Variants in PROM1 observed in about 807,000 individuals in gnomAD.
PROM1 encodes the protein prominin-1.
A neutral mutation model predicts 116.9 loss-of-function variants in PROM1; 105 were observed. The observed-to-expected ratio is 0.90, with a 90% confidence interval of 0.77 to 1.06. The LOEUF (loss-of-function observed/expected upper bound fraction) is 1.06, where lower values mean the gene tolerates loss of function less well. Among genes scored for constraint, PROM1 ranks in the 50% least tolerant of loss-of-function variants. The probability of loss-of-function intolerance (pLI) is 0.00; values close to 1 mark genes in which losing one functional copy is unlikely to be tolerated. For synonymous variants in PROM1, 393 were observed against 387.0 expected (o/e 1.02, Z -0.18); for missense variants, 1,122 against 1,045.2 (o/e 1.07, Z -1.01).
chr4:15,974,727 T>C (rs1291705946), intron 26 of PROM1, among the ~76,000 whole-genome samples: 1 of 152,196 alleles, frequency 6.6e-6, no homozygotes, highest in Non-Finnish European at 1.5e-5. Context: ...GTCCTCAGCC[T>C]CCCAAGGTGC....
intron 23 of PROM1, among the ~76,000 whole-genome samples, chr4:15,983,335 T>C (rs1241986829): frequency 6.6e-5 from 10 of 152,170 alleles, no homozygotes. Context: ...TCTCACTGAA[T>C]CATCAAAACA....
intron 5 of PROM1, among the ~76,000 whole-genome samples, chr4:16,032,673 A>G (rs1007478120): frequency 4.6e-5 from 7 of 152,142 alleles, no homozygotes; most frequent in African/African-American, 1.7e-4. Context: ...ACTCGAAAAA[A>G]CGTCATCTTA....
intron 1 of PROM1, among the ~76,000 whole-genome samples, chr4:16,077,171 T>C (rs976845892): frequency 3.9e-5 from 6 of 152,042 alleles, no homozygotes; most frequent in Non-Finnish European, 7.4e-5. Context: ...CTCCTGCCCG[T>C]CCCTGGGCAA....
At chr4:16,011,211 C>T (rs1391761579) in intron 11 of PROM1, among the ~76,000 whole-genome samples, 1 of 152,136 alleles carries the variant, frequency 6.6e-6, no homozygotes, top group African/African-American at 2.4e-5. Flanking sequence ...GTCCCCTTTT[C>T]CAGGCAGCCT....
At chr4:16,042,386 A>G (rs1735520772) in intron 2 of PROM1, among the ~76,000 whole-genome samples, 1 of 152,260 alleles carries the variant, frequency 6.6e-6, no homozygotes, top group Non-Finnish European at 1.5e-5. Flanking sequence ...CAAAAGATTC[A>G]TGCATCATGT....
Position 16,016,174 on chromosome 4 carries a change from C to G in PROM1, c.1069G>C (p.Val357Leu). Residue 357 changes from valine to leucine, a missense_variant, in exon 10 of 28, where the codon GTC becomes CTC. By Grantham distance (32) the Val-to-Leu change is conservative. Transcript: ENST00000447510. ...TTTTTCCAAAAGCATACCTGTTGGA[C>G]CAGGCCATCCAAATCTGTCCTAAGA... ...NVLRTDLDGL[V>L]QQGYQSLNDI... 1 of 1,554,248 alleles carries G rather than the reference C, an allele frequency of 6.4e-7. No individual in the cohort carries two copies. Among genetic ancestry groups the G allele is most frequent in the Non-Finnish European group, 8.7e-7 (1 of 1,148,022 alleles).
chr4:16,006,433 G>A (rs1725487800), intron 13 of PROM1, 105 bp downstream of exon 13: 5 of 1,337,006 alleles, frequency 3.7e-6, no homozygotes, highest in South Asian at 3.3e-5. Context: ...CTGGAACCCC[G>A]CGTACGTGGC....
At chr4:16,039,715 CA>C (rs34158088) in intron 2 of PROM1, among the ~76,000 whole-genome samples, 416 of 133,796 alleles carry the variant, frequency 3.1e-3, no homozygotes, top group Middle Eastern at 4.2e-3. Context: ...TCCAGACTGT[CA>C]AAAAAAAAAA....
Position 16,033,375 on chromosome 4 carries a change from T to C in PROM1, c.438A>G (p.Arg146=). Residue 146 remains arginine, a synonymous_variant, in exon 5 of 28, where the codon CGA becomes CGG. Coordinates refer to ENST00000447510, the MANE Select transcript of PROM1 (RefSeq NM_006017.3). ...CNKCGGEMHQ[R]QKENGPFLRK... is the part of the protein sequence containing the mutation. Reference sequence around the variant, plus strand: ...TCAGGAAGGGCCCATTTTCCTTCTGTCGCTGGTGCATTTCTCCACCACATT... The same window carrying C: ...TCAGGAAGGGCCCATTTTCCTTCTGCCGCTGGTGCATTTCTCCACCACATT... The C allele has an allele frequency of 6.2e-7, 1 of 1,613,932 alleles. No homozygotes were observed. The highest frequency in any genetic ancestry group is 1.1e-5 in the South Asian group (1 of 91,086).
At chr4:16,042,062 C>T (rs1735429261) in intron 2 of PROM1, among the ~76,000 whole-genome samples, 1 of 152,142 alleles carries the variant, frequency 6.6e-6, no homozygotes, top group Non-Finnish European at 1.5e-5. Flanking sequence ...GATCCTCTCA[C>T]CTTGGCCTCC....
chr4:16,080,597 T>C (rs182052968), intron 1 of PROM1: 1 of 152,344 alleles, frequency 6.6e-6, no homozygotes, highest in Admixed American at 6.5e-5. Flanking sequence ...TGATGGAACT[T>C]CTCAGAATCT....
At chr4:15,988,667 A>C (rs953552083) in intron 19 of PROM1, among the ~76,000 whole-genome samples, 1 of 152,212 alleles carries the variant, frequency 6.6e-6, no homozygotes, top group Non-Finnish European at 1.5e-5. Flanking sequence ...CCTAGCTCTG[A>C]AAAGGCCAAA....
chr4:16,061,666 T>C (rs929574932), intron 2 of PROM1, among the ~76,000 whole-genome samples: 3 of 152,168 alleles, frequency 2.0e-5, no homozygotes, highest in Non-Finnish European at 4.4e-5. Context: ...ATTAGTTTTC[T>C]GGTGCTGTTG....
chr4:16,044,956 A>G (rs1431479833), intron 2 of PROM1, among the ~76,000 whole-genome samples: 1 of 152,170 alleles, frequency 6.6e-6, no homozygotes, highest in Non-Finnish European at 1.5e-5. Context: ...GAAGATTGAG[A>G]GGCATCTTGC....
chr4:16,000,682 T>TA, intron 13 of PROM1, 63 bp from the exon 14 acceptor site: 1 of 1,350,216 alleles, frequency 7.4e-7, no homozygotes, highest in Non-Finnish European at 1.0e-6. Context: ...TACTGATACT[T>TA]ACTAAATCTA....
intron 8 of PROM1, among the ~76,000 whole-genome samples, chr4:16,021,334 G>A (rs528182642): frequency 6.6e-6 from 1 of 152,298 alleles, no homozygotes; most frequent in South Asian, 2.1e-4. Flanking sequence ...AAAAGTAAAG[G>A]TATGCATCAA....
chr4:15,995,024 G>A lies in PROM1; in HGVS notation c.1683-953C>T, dbSNP rs188015012. Among the ~76,000 whole-genome samples the A allele has an allele frequency of 4.3e-4, 65 of 152,300 alleles. 1 individual carries two copies. In the Middle Eastern group the frequency reaches 0.01, roughly 24 times the overall value. ...TCCTCTCAGCCTAGGGGTGGTGAAC[G>A]GGTTTAACTGTACAGAGAAAAGCCA... is the stretch of plus-strand genomic sequence containing the variant. On this transcript the variant is annotated intron_variant, in intron 15 of 27. Coordinates refer to ENST00000447510, the MANE Select transcript of PROM1 (RefSeq NM_006017.3).
Position 16,023,389 on chromosome 4 carries a change from T to G in PROM1, c.721A>C (p.Ile241Leu), listed in dbSNP as rs759556945. 2.1e-5 allele frequency: 34 copies of G among 1,605,494 alleles called. No individual in the cohort carries two copies. Among genetic ancestry groups the G allele is most frequent in the Non-Finnish European group, 2.5e-5 (29 of 1,175,564 alleles). Residue 241 changes from isoleucine to leucine, a missense_variant, in exon 8 of 28, where the codon ATT becomes CTT. Ile to Leu is a conservative substitution (Grantham distance 5). Transcript: ENST00000447510. Reference sequence around the variant, plus strand: ...ATGTTGGGTCTCAGTCGGTCAAGAATTCCGCCTCCTAGCACTGAATTGATA... The same window carrying G: ...ATGTTGGGTCTCAGTCGGTCAAGAAGTCCGCCTCCTAGCACTGAATTGATA... ...NSINSVLGGGILDRLRPNIIP... is the reference protein window; with the variant it reads ...NSINSVLGGGLLDRLRPNIIP...
rs571632205 is a variant in PROM1, at chr4:16,012,802, C to T, written c.1141+473G>A. Among the ~76,000 whole-genome samples, 11 of 135,328 alleles carry T rather than the reference C, an allele frequency of 8.1e-5. No individual in the cohort carries two copies. The South Asian group carries it at 1.5e-3, about 19-fold the overall frequency. The allele number at this position is 135,328 out of a possible 152,430, so 88.8% of individuals were successfully genotyped here. A position where few individuals can be genotyped will look rare whatever the true frequency, so the allele number is the denominator to read the frequency against. On this transcript the variant is annotated intron_variant, in intron 11 of 27. Coordinates refer to ENST00000447510, the MANE Select transcript of PROM1 (RefSeq NM_006017.3). The stretch of plus-strand genomic sequence containing the variant: ...AGGAGAATGGCGTGAACCCGGGAGG[C>T]GGAGCTTGCAGTGAGCCGAGATTGT...
Sources: allele counts gnomAD v4.1 joint callset (sites outside exome capture counted in the v4.1 genomes callset), GRCh38; gene constraint gnomAD v4.1.1; transcripts MANE v1.5; gene names NCBI Gene and HGNC (gene_info 2026-07-23, HGNC 2026-07-21).